Variants in DHRSX observed in about 807,000 individuals in gnomAD.
The protein encoded by DHRSX is polyprenol dehydrogenase.
A neutral mutation model predicts 34.0 loss-of-function variants in DHRSX; 31 were observed. That is an observed-to-expected ratio of 0.91 (90% CI 0.69 to 1.23). The LOEUF is 1.23. Among genes scored for constraint, DHRSX ranks in the 50% most tolerant of loss-of-function variants. The pLI is 0.00. For synonymous variants in DHRSX, 201 were observed against 183.8 expected, an observed-to-expected ratio of 1.09 and a Z score of -0.76; for missense variants, 414 against 428.1, an observed-to-expected ratio of 0.97 and a Z score of 0.29.
chrX:2,276,547 G>A (rs1413451537), intron 4 of DHRSX, among the ~76,000 whole-genome samples: 1 of 152,068 alleles, frequency 6.6e-6, no homozygotes, highest in African/African-American at 2.4e-5. Flanking sequence ...TACAATTATC[G>A]TTCATTGGTC....
At chrX:2,234,350 T>G (rs2015965567) in intron 6 of DHRSX, among the ~76,000 whole-genome samples, 1 of 150,506 alleles carries the variant, frequency 6.6e-6, no homozygotes, top group African/African-American at 2.5e-5. Context: ...TCCATGCACA[T>G]GCATTCAATA....
At chrX:2,356,815 C>G (rs2042859090) in intron 3 of DHRSX, among the ~76,000 whole-genome samples, 1 of 152,152 alleles carries the variant, frequency 6.6e-6, no homozygotes, top group Admixed American at 6.5e-5. Context: ...TTTTCTCTAG[C>G]TTACTTTAGT....
intron 3 of DHRSX, among the ~76,000 whole-genome samples, chrX:2,376,868 C>A (rs1442509392): frequency 1.3e-5 from 2 of 152,044 alleles, no homozygotes; most frequent in Admixed American, 6.6e-5. Flanking sequence ...GTGGTGCACA[C>A]CTGTAGTCCC....
At chrX:2,398,469 G>C (rs1360923977) in intron 3 of DHRSX, among the ~76,000 whole-genome samples, 1 of 152,038 alleles carries the variant, frequency 6.6e-6, no homozygotes, top group Non-Finnish European at 1.5e-5. Flanking sequence ...GGGAGTTGGA[G>C]ACCAAAACCC....
In DHRSX at chrX:2,372,143, C is replaced by G. The variant is rs762000508; in HGVS notation, c.286+36602G>C. Among the ~76,000 whole-genome samples the G allele has an allele frequency of 2.0e-5, 3 of 152,248 alleles. No individual in the cohort carries two copies. In the East Asian group the frequency reaches 5.8e-4, roughly 29 times the overall value. On this transcript the variant is annotated intron_variant, in intron 3 of 6. Coordinates refer to ENST00000334651, the MANE Select transcript of DHRSX (RefSeq NM_145177.3). ...CTTTCTTTGCTACAAACTCCCAGGG[C>G]TACTTACTAAGGTGAAGAAAACACA...
intron 4 of DHRSX, among the ~76,000 whole-genome samples, chrX:2,284,043 T>C (rs2041771236): frequency 6.6e-6 from 1 of 152,262 alleles, no homozygotes; most frequent in African/African-American, 2.4e-5. Context: ...TTTGAATTCA[T>C]TCGTTCCTTT....
intron 1 of DHRSX, among the ~76,000 whole-genome samples, chrX:2,432,814 C>G (rs2043943624): frequency 6.6e-6 from 1 of 152,142 alleles, no homozygotes; most frequent in Admixed American, 6.6e-5. Context: ...ATAGATTTCA[C>G]TATTTAAAAA....
Position 2,293,638 on chromosome X carries a change from G to C in DHRSX, c.287-2035C>G, listed in dbSNP as rs146929953. On this transcript the variant is annotated intron_variant, in intron 3 of 6. Coordinates refer to ENST00000334651, the MANE Select transcript of DHRSX (RefSeq NM_145177.3). ...GGAGTCCTCAGGGAGGGAGCGAGCAGAGGCTGGTTCTGGGCTGGCCGAGAA... is the reference window on the plus strand; with the variant it reads ...GGAGTCCTCAGGGAGGGAGCGAGCACAGGCTGGTTCTGGGCTGGCCGAGAA... 9.4e-3 allele frequency among the ~76,000 whole-genome samples: 1,424 copies of C among 152,282 alleles called. 21 individuals are homozygous for C. The highest frequency in any genetic ancestry group is 0.03 in the African/African-American group (1,229 of 41,554).
At chrX:2,300,092 G>C (rs2041993383) in intron 3 of DHRSX, among the ~76,000 whole-genome samples, 1 of 152,148 alleles carries the variant, frequency 6.6e-6, no homozygotes, top group Admixed American at 6.5e-5. Flanking sequence ...CTTCTTCTTT[G>C]CGATAGAGAA....
chrX:2,487,777 T>C (rs1342309275), intron 1 of DHRSX: 1 of 151,894 alleles, frequency 6.6e-6, no homozygotes, highest in Non-Finnish European at 1.5e-5. Context: ...TTTGTACTCA[T>C]CTGTCACATT....
chrX:2,458,540 G>T (rs1310607914), intron 1 of DHRSX, among the ~76,000 whole-genome samples: 1 of 152,072 alleles, frequency 6.6e-6, no homozygotes, highest in Non-Finnish European at 1.5e-5. Context: ...AACATGGGTG[G>T]GACTGAAAGA....
chrX:2,272,356 T>A (rs2041569189), intron 4 of DHRSX, among the ~76,000 whole-genome samples: 1 of 152,162 alleles, frequency 6.6e-6, no homozygotes, highest in African/African-American at 2.4e-5. Flanking sequence ...ACACCTGGCT[T>A]ATGCATGCAT....
intron 3 of DHRSX, among the ~76,000 whole-genome samples, chrX:2,349,663 G>C (rs1188279524): frequency 6.6e-6 from 1 of 151,994 alleles, no homozygotes; most frequent in Non-Finnish European, 1.5e-5. Flanking sequence ...CTCCAGACTG[G>C]GCGACAGAGT....
chrX:2,329,718 G>A (rs987163820), intron 3 of DHRSX, among the ~76,000 whole-genome samples: 33 of 152,042 alleles, frequency 2.2e-4, no homozygotes, highest in African/African-American at 7.7e-4. Context: ...TAACTCTCTC[G>A]AAGGACATTA....
intron 6 of DHRSX, among the ~76,000 whole-genome samples, chrX:2,228,450 AAGGG>A (rs1165253388): frequency 1.2e-3 from 11 of 8,848 alleles, no homozygotes; most frequent in African/African-American, 3.4e-3. Flanking sequence ...GGAGGGAGGG[AAGGG>A]AGGGAGGGAG....
Position 2,449,915 on chromosome X carries a change from G to A in DHRSX, c.110-24611C>T, listed in dbSNP as rs368757369. Among the ~76,000 whole-genome samples, 6 of 152,268 alleles carry A rather than the reference G, an allele frequency of 3.9e-5. No individual in the cohort carries two copies. The East Asian group carries it at 1.2e-3, about 29-fold the overall frequency. On this transcript the variant is annotated intron_variant, in intron 1 of 6. Transcript: ENST00000334651. ...CCTAAAGTGCTGGGATTACGGGCGTGAGCCACCACGCCTGGCCATGCAGCT... is the reference window on the plus strand; with the variant it reads ...CCTAAAGTGCTGGGATTACGGGCGTAAGCCACCACGCCTGGCCATGCAGCT...
At chrX:2,288,912 G>C (rs1369649147) in intron 4 of DHRSX, among the ~76,000 whole-genome samples, 12 of 152,144 alleles carry the variant, frequency 7.9e-5, no homozygotes, top group Non-Finnish European at 1.0e-4. Context: ...AAAAGGAACA[G>C]AGGAGAATCC....
chrX:2,312,580 G>T (rs1448974171), intron 3 of DHRSX, among the ~76,000 whole-genome samples: 1 of 152,010 alleles, frequency 6.6e-6, no homozygotes, highest in Non-Finnish European at 1.5e-5. Context: ...TTCGGGGACT[G>T]GGGGACTAGG....
chrX:2,311,007 G>A (rs753635069), intron 3 of DHRSX, among the ~76,000 whole-genome samples: 7 of 150,130 alleles, frequency 4.7e-5, no homozygotes, highest in Non-Finnish European at 8.9e-5. Flanking sequence ...GTTGTAGTGA[G>A]CCGAGATCAC....
Sources: gnomAD v4.1 joint callset for allele counts (sites outside exome capture counted in the v4.1 genomes callset) on GRCh38, gnomAD v4.1.1 for gene constraint, MANE v1.5 for transcripts, NCBI Gene and HGNC (gene_info 2026-07-23, HGNC 2026-07-21) for gene names.